Variants in VAV2 observed in about 807,000 individuals in gnomAD.
VAV2 encodes the protein vav guanine nucleotide exchange factor 2, also known as guanine nucleotide exchange factor VAV2.
A neutral mutation model predicts 132.5 loss-of-function variants in VAV2; 67 were observed. The ratio of observed to expected loss-of-function variants is 0.51; its 90% CI spans 0.42 to 0.62. The LOEUF (loss-of-function observed/expected upper bound fraction) is 0.62, where lower values mean the gene tolerates loss of function less well. VAV2 is among the 20% of genes least tolerant of loss of function. The pLI, the probability that VAV2 is intolerant of heterozygous loss-of-function variation, is 0.00. For missense variants in VAV2, 938 were observed against 1,153.6 expected (o/e 0.81, Z 2.71); for synonymous variants, 492 against 443.5 (o/e 1.11, Z -1.37).
rs1190659590 is a variant in VAV2, at chr9:133,826,541, T to C, written c.449+7731A>G. Among the ~76,000 whole-genome samples, 1 of 152,140 alleles carries C rather than the reference T, an allele frequency of 6.6e-6. No individual in the cohort carries two copies. Among genetic ancestry groups the C allele is most frequent in the Non-Finnish European group, 1.5e-5 (1 of 68,014 alleles). On this transcript the variant is annotated intron_variant, in intron 4 of 29. Coordinates refer to ENST00000371850, the MANE Select transcript of VAV2 (RefSeq NM_001134398.2). This position sits in a 1 kb window ranked among gnomAD's most constrained non-coding sequence, Gnocchi z 4.2. ...AGCAGCCTGTGAGGTTGCAGGACCC[T>C]GCTCTGCAGACAAGGATGCTCCTGG...
rs117321751 is a variant in VAV2, at chr9:133,804,866, G to A, written c.836+1215C>T. 8.5e-5 allele frequency among the ~76,000 whole-genome samples: 13 copies of A among 152,252 alleles called. No individual in the cohort carries two copies. The highest frequency in any genetic ancestry group is 4.2e-4 in the South Asian group (2 of 4,816). On this transcript the variant is annotated intron_variant, in intron 9 of 29. Transcript: ENST00000371850. This position sits in a 1 kb window ranked among gnomAD's most constrained non-coding sequence, Gnocchi z 4.5. ...AGTGTGCTCACACCTGCTGGGCCTC[G>A]TCAGCTCTCCTGGTCCCCTCTGCCA... is the stretch of plus-strand genomic sequence containing the variant.
At chr9:133,872,494 C>A (rs926168697) in intron 2 of VAV2, among the ~76,000 whole-genome samples, 20 of 152,242 alleles carry the variant, frequency 1.3e-4, no homozygotes, top group Non-Finnish European at 2.5e-4. Context: ...CATGTGGGGG[C>A]ACAGCCTCTC....
At chr9:133,779,771 G>A in intron 21 of VAV2, 147 bp downstream of exon 21, 3 of 1,087,090 alleles carry the variant, frequency 2.8e-6, no homozygotes, top group African/African-American at 3.2e-5. Context: ...AGAGGCAAGA[G>A]GGAGGGGGCC....
At chr9:133,790,610 G>A (rs1019035213) in intron 13 of VAV2, among the ~76,000 whole-genome samples, 3 of 152,232 alleles carry the variant, frequency 2.0e-5, no homozygotes, top group African/African-American at 7.2e-5. Flanking sequence ...ACGGCAGCAC[G>A]GACCCGCCAG....
intron 1 of VAV2, among the ~76,000 whole-genome samples, chr9:133,940,672 C>CGTGCGTGT (rs1554814232): frequency 1.4e-5 from 2 of 139,240 alleles, no homozygotes; most frequent in Non-Finnish European, 3.2e-5. Flanking sequence ...TGTCCACGTG[C>CGTGCGTGT]GTGTGTGTGT....
At chr9:133,812,393 G>T (rs140319650) in intron 4 of VAV2, among the ~76,000 whole-genome samples, 177 bp from the exon 5 acceptor site, 13 of 152,228 alleles carry the variant, frequency 8.5e-5, no homozygotes, top group African/African-American at 2.9e-4. Flanking sequence ...CTGTGGGTGC[G>T]AACTGGGCAG....
At chr9:133,964,050 C>CATATATATATATATATAT (rs757580734) in intron 1 of VAV2, among the ~76,000 whole-genome samples, 4 of 84,876 alleles carry the variant, frequency 4.7e-5, no homozygotes, top group South Asian at 7.2e-4. Context: ...TATATATATA[C>CATATATATATATATATAT]ATATATATAC....
At chr9:133,789,817 G>A (rs533316177) in intron 13 of VAV2, among the ~76,000 whole-genome samples, 6 of 152,362 alleles carry the variant, frequency 3.9e-5, no homozygotes, top group East Asian at 3.9e-4. Flanking sequence ...GTTCATTTTC[G>A]TTGTCTGTCT....
intron 8 of VAV2, among the ~76,000 whole-genome samples, chr9:133,806,956 C>T (rs796462673): frequency 8.5e-5 from 13 of 152,340 alleles, no homozygotes; most frequent in Admixed American, 4.6e-4. Flanking sequence ...TGGAGGGACA[C>T]GTTTCTCTCT....
chr9:133,836,195 C>T (rs2131789720), intron 3 of VAV2, among the ~76,000 whole-genome samples: 1 of 152,340 alleles, frequency 6.6e-6, no homozygotes, highest in East Asian at 1.9e-4. Context: ...TGAGGAGCCA[C>T]AACCTGGAGG....
chr9:133,851,311 C>T (rs1837158294), intron 3 of VAV2, among the ~76,000 whole-genome samples: 1 of 152,196 alleles, frequency 6.6e-6, no homozygotes, highest in Non-Finnish European at 1.5e-5. Flanking sequence ...GCAGCTCCTC[C>T]TCCTCCTCCT....
intron 9 of VAV2, among the ~76,000 whole-genome samples, chr9:133,805,080 TC>T (rs1223657102): frequency 6.6e-6 from 1 of 152,010 alleles, no homozygotes; most frequent in Non-Finnish European, 1.5e-5. Context: ...CCTGGGCCTG[TC>T]CCCGGCTGCC....
At chr9:133,988,113 T>C (rs971028529) in intron 1 of VAV2, among the ~76,000 whole-genome samples, 3 of 152,294 alleles carry the variant, frequency 2.0e-5, no homozygotes, top group South Asian at 4.1e-4. Flanking sequence ...GGGAACATCA[T>C]AGAGGCCTCC....
At chr9:133,868,705 G>A (rs193222918) in intron 2 of VAV2, among the ~76,000 whole-genome samples, 28 of 152,330 alleles carry the variant, frequency 1.8e-4, no homozygotes, top group Admixed American at 1.1e-3. Context: ...GAAGGGTCCC[G>A]CCATCTCCTG....
chr9:133,768,640 CCAA>C lies in VAV2; in HGVS notation c.2435-47_2435-45del. The C allele has an allele frequency of 1.3e-6, 2 of 1,593,174 alleles. No homozygotes were observed. The highest frequency in any genetic ancestry group is 1.7e-6 in the Non-Finnish European group (2 of 1,170,220). On this transcript the variant is annotated intron_variant, in intron 28 of 29. Coordinates refer to ENST00000371850, the MANE Select transcript of VAV2 (RefSeq NM_001134398.2). The surrounding 1 kb of genome is among the most constrained non-coding windows in gnomAD (Gnocchi z 5.3). Reference sequence around the variant, plus strand: ...AGCATCACACAGCTGCAGGAGGAGCCCAACCAGTGATCCAGGAGGCCCTTGGGC... The same window carrying C: ...AGCATCACACAGCTGCAGGAGGAGCCCCAGTGATCCAGGAGGCCCTTGGGC...
intron 2 of VAV2, among the ~76,000 whole-genome samples, chr9:133,887,103 G>A (rs1244048517): frequency 1.3e-5 from 2 of 152,094 alleles, no homozygotes; most frequent in Non-Finnish European, 2.9e-5. Context: ...GGCCCAGACA[G>A]CAGGCCCCAC....
chr9:133,793,378 T>C (rs915092678), intron 12 of VAV2, among the ~76,000 whole-genome samples: 5 of 146,690 alleles, frequency 3.4e-5, no homozygotes, highest in African/African-American at 1.2e-4. Flanking sequence ...CCGCCCTTCC[T>C]CGTTCCTAGA....
At chr9:133,848,014 A>C (rs1221516911) in intron 3 of VAV2, among the ~76,000 whole-genome samples, 2 of 152,150 alleles carry the variant, frequency 1.3e-5, no homozygotes, top group Non-Finnish European at 2.9e-5. Context: ...GCGGTAGCTC[A>C]CGCCTGTAAT....
chr9:133,819,127 CCATTA>C (rs1305643845), intron 4 of VAV2, among the ~76,000 whole-genome samples: 2 of 152,030 alleles, frequency 1.3e-5, no homozygotes, highest in African/African-American at 4.8e-5. Context: ...GCACCACTTC[CCATTA>C]ACCTCTTGTC....
Sources: allele counts gnomAD v4.1 joint callset (sites outside exome capture counted in the v4.1 genomes callset), GRCh38; gene constraint gnomAD v4.1.1; non-coding constraint Gnocchi (gnomAD v3.1); transcripts MANE v1.5; gene names NCBI Gene and HGNC (gene_info 2026-07-23, HGNC 2026-07-21).